Variants in KCNQ1 observed in about 807,000 individuals in gnomAD.
KCNQ1 encodes potassium voltage-gated channel subfamily Q member 1.
Under a neutral mutation model 72.4 loss-of-function variants are expected in KCNQ1, and 49 were observed. The observed-to-expected ratio is 0.68, with a 90% confidence interval of 0.54 to 0.86. The LOEUF (loss-of-function observed/expected upper bound fraction) is 0.86. Among genes scored for constraint, KCNQ1 ranks in the 40% least tolerant of loss-of-function variants. KCNQ1 has a pLI of 0.00. For missense variants in KCNQ1, 790 were observed against 945.1 expected (o/e 0.84, Z 2.15); for synonymous variants, 450 against 412.6 (o/e 1.09, Z -1.10).
intron 10 of KCNQ1, among the ~76,000 whole-genome samples, chr11:2,591,641 C>T (rs2283177): frequency 0.057 from 8,637 of 152,318 alleles, 1,034 homozygotes; most frequent in East Asian, 0.48. Flanking sequence ...CGGGGCAGCC[C>T]GAATCGATGC....
At chr11:2,525,926 G>C (rs1056446569) in intron 1 of KCNQ1, among the ~76,000 whole-genome samples, 2 of 152,244 alleles carry the variant, frequency 1.3e-5, no homozygotes, top group African/African-American at 2.4e-5. Flanking sequence ...CATGGTCTAG[G>C]GGGTGGACAA....
At chr11:2,585,814 G>A in intron 8 of KCNQ1, among the ~76,000 whole-genome samples, 1 of 152,242 alleles carries the variant, frequency 6.6e-6, no homozygotes, top group Non-Finnish European at 1.5e-5. Flanking sequence ...CACAAGGCCA[G>A]TGGGCTGGGA....
intron 11 of KCNQ1, chr11:2,681,287 C>T (rs1380166670): frequency 2.5e-6 from 1 of 398,502 alleles, no homozygotes; most frequent in African/African-American, 2.1e-5. Flanking sequence ...CCTATACCTT[C>T]CTGTCCTACC....
intron 10 of KCNQ1, among the ~76,000 whole-genome samples, chr11:2,606,972 G>A (rs1203186797): frequency 1.4e-5 from 2 of 140,392 alleles, no homozygotes; most frequent in Non-Finnish European, 3.0e-5. Flanking sequence ...GTGTGATCAC[G>A]GCTCACTGCA....
At chr11:2,778,427 C>T (rs564042845) in intron 15 of KCNQ1, among the ~76,000 whole-genome samples, 49 of 152,332 alleles carry the variant, frequency 3.2e-4, no homozygotes, top group African/African-American at 1.1e-3. Context: ...TTCTCCTGGG[C>T]CCAGCTGTCT....
chr11:2,775,919 G>A (rs1483134520), intron 12 of KCNQ1, 41 bp from the exon 13 acceptor site: 1 of 1,541,260 alleles, frequency 6.5e-7, no homozygotes, highest in African/African-American at 1.4e-5. Flanking sequence ...CATGGCTGGG[G>A]CACAGGGAGG....
rs1021164590 is a variant in KCNQ1, at chr11:2,813,915, G to C, written c.1795-33852G>C. Among the ~76,000 whole-genome samples, 4 of 152,082 alleles carry C rather than the reference G, an allele frequency of 2.6e-5. No homozygotes were observed. The highest frequency in any genetic ancestry group is 7.2e-5 in the African/African-American group (3 of 41,394). On this transcript the variant is annotated intron_variant, in intron 15 of 15. Transcript: ENST00000155840. This position sits in a 1 kb window ranked among gnomAD's most constrained non-coding sequence, Gnocchi z 4.4. ...TGGAAGGATGGTTGATGGATGGATG[G>C]TTAGATGGATGAAGAGATAGATGAA... is the stretch of plus-strand genomic sequence containing the variant.
Position 2,486,081 on chromosome 11 carries a change from A to G in KCNQ1, c.386+40597A>G, listed in dbSNP as rs992992320. Among the ~76,000 whole-genome samples the G allele has an allele frequency of 2.6e-5, 4 of 152,310 alleles. No homozygotes were observed. The highest frequency in any genetic ancestry group is 2.0e-4 in the Admixed American group (3 of 15,296). The stretch of plus-strand genomic sequence containing the variant: ...CCCAGAAGTGGAATTTCTGGATTAT[A>G]TGGTAATTATAGTTTTAATTTCTTG... On this transcript the variant is annotated intron_variant, in intron 1 of 15. Coordinates refer to ENST00000155840, the MANE Select transcript of KCNQ1 (RefSeq NM_000218.3). This position sits in a 1 kb window ranked among gnomAD's most constrained non-coding sequence, Gnocchi z 5.0.
At position 2,623,296 on chromosome 11, in the gene KCNQ1, T is replaced by C. The variant is rs1849204437; in HGVS notation, c.1393+34442T>C. 2.5e-6 allele frequency: 1 copy of C among 398,708 alleles called. No individual in the cohort carries two copies. Among genetic ancestry groups the C allele is most frequent in the Non-Finnish European group, 4.4e-6 (1 of 226,148 alleles). The allele number at this position is 398,708 out of a possible 1,614,324, so 24.7% of individuals were successfully genotyped here. A position where few individuals can be genotyped will look rare whatever the true frequency, so the allele number is the denominator to read the frequency against. Reference sequence around the variant, plus strand: ...TCACAAATTACCCAGTCTCAGGTAGTTCTTTATAGCACTGTGAGAACGGAC... The same window carrying C: ...TCACAAATTACCCAGTCTCAGGTAGCTCTTTATAGCACTGTGAGAACGGAC... On this transcript the variant is annotated intron_variant, in intron 10 of 15. Coordinates refer to ENST00000155840, the MANE Select transcript of KCNQ1 (RefSeq NM_000218.3). The surrounding 1 kb of genome is among the most constrained non-coding windows in gnomAD (Gnocchi z 5.2).
chr11:2,455,183 T>C lies in KCNQ1; in HGVS notation c.386+9699T>C, dbSNP rs560755058. 3.0e-4 allele frequency among the ~76,000 whole-genome samples: 46 copies of C among 152,076 alleles called. 1 individual carries two copies. Among genetic ancestry groups the C allele is most frequent in the East Asian group, 5.8e-4 (3 of 5,180 alleles). ...TGAGATCTTGGCTCACTGCAAGCTC[T>C]GCCTCCCAGGTTCACACCATTCTCC... On this transcript the variant is annotated intron_variant, in intron 1 of 15. Coordinates refer to ENST00000155840, the MANE Select transcript of KCNQ1 (RefSeq NM_000218.3).
At position 2,725,469 on chromosome 11, in the gene KCNQ1, C is replaced by T. The variant is rs138081317; in HGVS notation, c.1515-43375C>T. Among the ~76,000 whole-genome samples, 796 of 152,342 alleles carry T rather than the reference C, an allele frequency of 5.2e-3. 8 individuals are homozygous for T. The highest frequency in any genetic ancestry group is 0.018 in the African/African-American group (751 of 41,574). On this transcript the variant is annotated intron_variant, in intron 11 of 15. Transcript: ENST00000155840. The surrounding 1 kb of genome is among the most constrained non-coding windows in gnomAD (Gnocchi z 7.2). ...GCGTGGAGGTGACCTGCCATTTGTC[C>T]GGTTGGGGGTCCCCAATCGTCTTCG... is the stretch of plus-strand genomic sequence containing the variant.
At position 2,592,788 on chromosome 11, in the gene KCNQ1, G is replaced by A. The variant is rs530817996; in HGVS notation, c.1393+3934G>A. ...TGAAGATCCTCTGTATGCTTGTGGG[G>A]TGGGGGCAGACACACAGGCAGCCTC... is the stretch of plus-strand genomic sequence containing the variant. On this transcript the variant is annotated intron_variant, in intron 10 of 15. Transcript: ENST00000155840. The surrounding 1 kb of genome is among the most constrained non-coding windows in gnomAD (Gnocchi z 5.2). Among the ~76,000 whole-genome samples the A allele has an allele frequency of 6.6e-6, 1 of 152,330 alleles. No homozygotes were observed. The highest frequency in any genetic ancestry group is 2.4e-5 in the African/African-American group (1 of 41,580).
Position 2,458,101 on chromosome 11 carries a change from A to G in KCNQ1, c.386+12617A>G, listed in dbSNP as rs1846221910. 6.6e-6 allele frequency among the ~76,000 whole-genome samples: 1 copy of G among 152,086 alleles called. No individual in the cohort carries two copies. Among genetic ancestry groups the G allele is most frequent in the South Asian group, 2.1e-4 (1 of 4,828 alleles). On this transcript the variant is annotated intron_variant, in intron 1 of 15. Coordinates refer to ENST00000155840, the MANE Select transcript of KCNQ1 (RefSeq NM_000218.3). The surrounding 1 kb of genome is among the most constrained non-coding windows in gnomAD (Gnocchi z 4.6). The stretch of plus-strand genomic sequence containing the variant: ...AAGCCTGGAGTATTCATCACAGCAG[A>G]AGGCAGGGAAGTTATCAGAGGCCCC...
chr11:2,571,487 C>T, intron 4 of KCNQ1, 84 bp downstream of exon 4: 1 of 1,131,180 alleles, frequency 8.8e-7, no homozygotes, highest in Admixed American at 1.8e-5. Flanking sequence ...CACGCCCCAT[C>T]CACCTTGCTC....
Position 2,653,803 on chromosome 11 carries a change from G to C in KCNQ1, c.1394-8158G>C. Reference sequence around the variant, plus strand: ...TGGACCTGCAGCTGTACCTCCGATGGCTGAGGCAAGGTCCACAGGGACCCC... The same window carrying C: ...TGGACCTGCAGCTGTACCTCCGATGCCTGAGGCAAGGTCCACAGGGACCCC... On this transcript the variant is annotated intron_variant, in intron 10 of 15. Coordinates refer to ENST00000155840, the MANE Select transcript of KCNQ1 (RefSeq NM_000218.3). This position sits in a 1 kb window ranked among gnomAD's most constrained non-coding sequence, Gnocchi z 5.3. 2.5e-6 allele frequency: 1 copy of C among 398,642 alleles called. No homozygotes were observed. Among genetic ancestry groups the C allele is most frequent in the East Asian group, 3.6e-5 (1 of 28,068 alleles). The allele number at this position is 398,642 out of a possible 1,614,324, so 24.7% of individuals were successfully genotyped here. A position where few individuals can be genotyped will look rare whatever the true frequency, so the allele number is the denominator to read the frequency against.
In KCNQ1 at chr11:2,620,372, AC is replaced by A; in HGVS notation, c.1393+31519del. 1 of 208,580 alleles carries A rather than the reference AC, an allele frequency of 4.8e-6. No homozygotes were observed. Among genetic ancestry groups the A allele is most frequent in the Non-Finnish European group, 9.4e-6 (1 of 106,740 alleles). The allele number at this position is 208,580 out of a possible 1,614,324, so 12.9% of individuals were successfully genotyped here. On this transcript the variant is annotated intron_variant, in intron 10 of 15. Coordinates refer to ENST00000155840, the MANE Select transcript of KCNQ1 (RefSeq NM_000218.3). The surrounding 1 kb of genome is among the most constrained non-coding windows in gnomAD (Gnocchi z 4.5). The stretch of plus-strand genomic sequence containing the variant: ...GCTGGGATTAGAGGCATGCGCCACC[AC>A]GTCCAGCTAATTTTGTAGTTTTAGT...
chr11:2,491,016 A>AT lies in KCNQ1; in HGVS notation c.387-36907dup, dbSNP rs1454911721. On this transcript the variant is annotated intron_variant, in intron 1 of 15. Coordinates refer to ENST00000155840, the MANE Select transcript of KCNQ1 (RefSeq NM_000218.3). This position sits in a 1 kb window ranked among gnomAD's most constrained non-coding sequence, Gnocchi z 4.1. The stretch of plus-strand genomic sequence containing the variant: ...CCACTGCGCCTGGCCCCAAGGCAGT[A>AT]TTTTTATGAGTCTGCAAGAACCACA... 1.3e-5 allele frequency among the ~76,000 whole-genome samples: 2 copies of AT among 152,166 alleles called. No individual in the cohort carries two copies. Among genetic ancestry groups the AT allele is most frequent in the African/African-American group, 4.8e-5 (2 of 41,458 alleles).
chr11:2,795,218 A>T (rs1847107501), intron 15 of KCNQ1, among the ~76,000 whole-genome samples: 1 of 152,192 alleles, frequency 6.6e-6, no homozygotes, highest in Non-Finnish European at 1.5e-5. Context: ...GGGATGAGGT[A>T]GGAGTGGTGG....
intron 2 of KCNQ1, among the ~76,000 whole-genome samples, chr11:2,560,351 A>AG (rs1848144597): frequency 5.0e-5 from 1 of 20,064 alleles, no homozygotes. Flanking sequence ...TCCTGGGGGA[A>AG]TGGGGGGGGT....
Sources: gnomAD v4.1 joint callset for allele counts (sites outside exome capture counted in the v4.1 genomes callset) on GRCh38, gnomAD v4.1.1 for gene constraint, Gnocchi (gnomAD v3.1) non-coding constraint, MANE v1.5 for transcripts, NCBI Gene and HGNC (gene_info 2026-07-23, HGNC 2026-07-21) for gene names.